Variants in NCALD observed in about 807,000 individuals in gnomAD.
NCALD encodes neurocalcin-delta.
Under a neutral mutation model 18.6 loss-of-function variants are expected in NCALD, and 10 were observed. That is an observed-to-expected ratio of 0.54 (90% CI 0.33 to 0.91). NCALD has a LOEUF of 0.91. Among genes scored for constraint, NCALD ranks in the 40% least tolerant of loss-of-function variants. NCALD has a pLI of 0.03. For synonymous variants in NCALD, 88 were observed against 87.4 expected, an observed-to-expected ratio of 1.01 and a Z score of -0.04; for missense variants, 184 against 247.6, an observed-to-expected ratio of 0.74 and a Z score of 1.72.
chr8:101,976,175 G>A (rs970062001), intron 2 of NCALD, among the ~76,000 whole-genome samples: 1 of 152,222 alleles, frequency 6.6e-6, no homozygotes, highest in African/African-American at 2.4e-5. Context: ...GCTCTCAGCT[G>A]TAGCTAGCCC....
chr8:102,106,042 T>A (rs1472685119), intron 1 of NCALD, among the ~76,000 whole-genome samples: 2 of 152,038 alleles, frequency 1.3e-5, no homozygotes, highest in Non-Finnish European at 2.9e-5. Flanking sequence ...TCCTAGTCCT[T>A]TACCACCAAG....
chr8:101,919,702 AC>A (rs1345505780), intron 2 of NCALD, among the ~76,000 whole-genome samples: 1 of 152,156 alleles, frequency 6.6e-6, no homozygotes, highest in South Asian at 2.1e-4. Context: ...AAAAAAAAAA[AC>A]AAAAAGGCAA....
Position 101,756,674 on chromosome 8 carries a change from A to C in NCALD, c.-20+34188T>G, listed in dbSNP as rs563297825. 5.3e-5 allele frequency among the ~76,000 whole-genome samples: 8 copies of C among 152,364 alleles called. No homozygotes were observed. In the South Asian group the frequency reaches 1.7e-3, roughly 32 times the overall value. On this transcript the variant is annotated intron_variant, in intron 1 of 3. Coordinates refer to ENST00000220931, the MANE Select transcript of NCALD (RefSeq NM_032041.3). ...GGATTTCCGAAGAATTAACTAAAATAAGAGGGATGCAACTTTACCTGCACT... is the reference window on the plus strand; with the variant it reads ...GGATTTCCGAAGAATTAACTAAAATCAGAGGGATGCAACTTTACCTGCACT...
chr8:101,884,560 T>G (rs1035273480), intron 4 of NCALD, among the ~76,000 whole-genome samples: 2 of 152,176 alleles, frequency 1.3e-5, no homozygotes, highest in Admixed American at 6.5e-5. Context: ...TTAGTCAACA[T>G]TTGTTGGTTA....
chr8:101,686,822 G>T lies in NCALD; in HGVS notation c.*2487C>A, dbSNP rs1279916456. 10 of 152,436 alleles carry T rather than the reference G, an allele frequency of 6.6e-5. No homozygotes were observed. Among genetic ancestry groups the T allele is most frequent in the Admixed American group, 6.5e-4 (10 of 15,272 alleles). The allele number at this position is 152,436 out of a possible 1,614,324, so 9.4% of individuals were successfully genotyped here. A position where few individuals can be genotyped will look rare whatever the true frequency, so the allele number is the denominator to read the frequency against. ...GGACAGAACAGGTTTTATTTCCAAAGGTCCCTGAACACAGCAATGACAATG... is the reference window on the plus strand; with the variant it reads ...GGACAGAACAGGTTTTATTTCCAAATGTCCCTGAACACAGCAATGACAATG... On this transcript the variant is annotated 3_prime_UTR_variant, in exon 4 of 4. Transcript: ENST00000220931.
chr8:101,945,187 A>G (rs1819118883), intron 2 of NCALD, among the ~76,000 whole-genome samples: 1 of 152,184 alleles, frequency 6.6e-6, no homozygotes, highest in Non-Finnish European at 1.5e-5. Context: ...GACTTTCCTC[A>G]TTATGGTGTT....
chr8:101,700,253 G>A (rs1815198779), intron 2 of NCALD, among the ~76,000 whole-genome samples: 2 of 151,884 alleles, frequency 1.3e-5, no homozygotes, highest in Non-Finnish European at 2.9e-5. Flanking sequence ...TTGTAGAGAT[G>A]GGGTTTCTCT....
At chr8:101,921,052 G>A (rs1024438978) in intron 2 of NCALD, among the ~76,000 whole-genome samples, 2 of 152,076 alleles carry the variant, frequency 1.3e-5, no homozygotes, top group Admixed American at 6.5e-5. Context: ...CAGCATGTCC[G>A]ATTGAGAAGG....
intron 1 of NCALD, among the ~76,000 whole-genome samples, chr8:102,028,630 G>A (rs1028247196): frequency 1.3e-5 from 2 of 152,172 alleles, no homozygotes; most frequent in African/African-American, 2.4e-5. Flanking sequence ...AGCATTTCCT[G>A]ATGACCCAGG....
intron 1 of NCALD, among the ~76,000 whole-genome samples, chr8:102,042,588 G>A (rs926230170): frequency 1.3e-5 from 2 of 151,954 alleles, no homozygotes; most frequent in African/African-American, 4.9e-5. Flanking sequence ...TCACAAGAGA[G>A]CTGGTGTGAG....
intron 1 of NCALD, among the ~76,000 whole-genome samples, chr8:101,775,670 A>G (rs1811763072): frequency 6.6e-6 from 1 of 152,116 alleles, no homozygotes; most frequent in African/African-American, 2.4e-5. Flanking sequence ...CTCTCCACTG[A>G]CCCAGCAGCT....
At chr8:101,824,799 G>A (rs1813865434) in intron 4 of NCALD, among the ~76,000 whole-genome samples, 1 of 152,204 alleles carries the variant, frequency 6.6e-6, no homozygotes, top group Admixed American at 6.5e-5. Flanking sequence ...TCTGTCTGAT[G>A]TGAAAAATTT....
intron 1 of NCALD, among the ~76,000 whole-genome samples, chr8:101,734,998 T>C (rs1480422768): frequency 6.6e-6 from 1 of 151,416 alleles, no homozygotes; most frequent in Non-Finnish European, 1.5e-5. Flanking sequence ...AATTAGGAGG[T>C]GCCCCAAAAA....
Position 101,719,465 on chromosome 8 carries a change from A to G in NCALD, c.165T>C (p.Phe55=). 6.2e-7 allele frequency: 1 copy of G among 1,614,242 alleles called. No homozygotes were observed. Among genetic ancestry groups the G allele is most frequent in the African/African-American group, 1.3e-5 (1 of 75,060 alleles). ...ATTTGGAAGCATCCCCATAAGGGAA[A>G]AAGTTCCCATATATTTTCTTAAACT... The part of the protein sequence containing the change: ...MEEFKKIYGN[F]FPYGDASKFA... The change falls in exon 2 of 4, where the codon TTT becomes TTC. Residue 55 remains phenylalanine (F), a synonymous_variant. Transcript: ENST00000220931.
Position 101,783,310 on chromosome 8 carries a change from T to C in NCALD, c.-20+7552A>G, listed in dbSNP as rs1363194939. 4.6e-5 allele frequency among the ~76,000 whole-genome samples: 7 copies of C among 152,176 alleles called. No homozygotes were observed. The East Asian group carries it at 1.3e-3, about 29-fold the overall frequency. On this transcript the variant is annotated intron_variant, in intron 1 of 3. Transcript: ENST00000220931. Reference sequence around the variant, plus strand: ...CAGCAGAAGGGAAAGGGATGCCTCTTTGAGTAAGGACACAAGGACCACATT... The same window carrying C: ...CAGCAGAAGGGAAAGGGATGCCTCTCTGAGTAAGGACACAAGGACCACATT...
chr8:102,030,783 T>C (rs1563557366), intron 1 of NCALD, among the ~76,000 whole-genome samples: 1 of 151,928 alleles, frequency 6.6e-6, no homozygotes, highest in Non-Finnish European at 1.5e-5. Context: ...GGCTGAGGCA[T>C]GAGAATCACT....
chr8:101,714,702 G>A (rs1329122340), intron 2 of NCALD, among the ~76,000 whole-genome samples: 3 of 151,698 alleles, frequency 2.0e-5, no homozygotes, highest in Non-Finnish European at 4.4e-5. Flanking sequence ...TAAGCAATAA[G>A]AACAAAGCTG....
At chr8:101,859,799 T>C (rs1262592777) in intron 4 of NCALD, among the ~76,000 whole-genome samples, 1 of 152,166 alleles carries the variant, frequency 6.6e-6, no homozygotes, top group Non-Finnish European at 1.5e-5. Context: ...GAAGAGAAAC[T>C]ATCAGCCTGT....
intron 2 of NCALD, among the ~76,000 whole-genome samples, chr8:101,942,827 A>C (rs954772688): frequency 1.3e-5 from 2 of 152,168 alleles, no homozygotes; most frequent in Admixed American, 6.5e-5. Flanking sequence ...GAAACTTAAC[A>C]ATCTGGCTCT....
Sources: gnomAD v4.1 joint callset for allele counts (sites outside exome capture counted in the v4.1 genomes callset) on GRCh38, gnomAD v4.1.1 for gene constraint, MANE v1.5 for transcripts, NCBI Gene and HGNC (gene_info 2026-07-23, HGNC 2026-07-21) for gene names.